The following ALK variants were observed in gnomAD, a reference collection of about 807,000 sequenced individuals.
The protein encoded by ALK is ALK tyrosine kinase receptor.
Under a neutral mutation model 163.1 loss-of-function variants are expected in ALK, and 74 were observed. That is an observed-to-expected ratio of 0.45 (90% CI 0.38 to 0.55). The LOEUF is 0.55. Among genes scored for constraint, ALK ranks in the 20% least tolerant of loss-of-function variants. The pLI, the probability that ALK is intolerant of heterozygous loss-of-function variation, is 0.00. For synonymous variants in ALK, 960 were observed against 843.2 expected, an observed-to-expected ratio of 1.14 and a Z score of -2.40; for missense variants, 2,063 against 2,105.3, an observed-to-expected ratio of 0.98 and a Z score of 0.39.
At chr2:29,912,618 A>G (rs1476647407) in intron 1 of ALK, among the ~76,000 whole-genome samples, 2 of 152,052 alleles carry the variant, frequency 1.3e-5, no homozygotes, top group Non-Finnish European at 2.9e-5. Flanking sequence ...GAAATGGTAT[A>G]TATCTGGATA....
rs1270489113 is a variant in ALK, at chr2:29,778,263, G to A, written c.668-60566C>T. Among the ~76,000 whole-genome samples the A allele has an allele frequency of 2.0e-5, 3 of 152,284 alleles. No homozygotes were observed. In the East Asian group the frequency reaches 5.8e-4, roughly 29 times the overall value. ...ATCACCTCTAAGCGAATCCAATGCT[G>A]TTGATGGCAGTGATTTAACCTCCCT... On this transcript the variant is annotated intron_variant, in intron 1 of 28. Transcript: ENST00000389048.
chr2:29,698,986 C>T (rs147801882), intron 2 of ALK, among the ~76,000 whole-genome samples: 8 of 152,308 alleles, frequency 5.3e-5, no homozygotes, highest in Admixed American at 5.2e-4. Context: ...GGCAATAATA[C>T]CTTGGGACTT....
intron 1 of ALK, among the ~76,000 whole-genome samples, chr2:29,754,906 T>G (rs999927235): frequency 6.6e-6 from 1 of 152,104 alleles, no homozygotes; most frequent in African/African-American, 2.4e-5. Flanking sequence ...ATAGAAGTGT[T>G]CAGGACAAAA....
intron 3 of ALK, among the ~76,000 whole-genome samples, chr2:29,588,622 T>C (rs568846758): frequency 1.3e-5 from 2 of 152,318 alleles, no homozygotes; most frequent in South Asian, 4.1e-4. Context: ...AAACTTTTTC[T>C]ATAAAGGACC....
intron 1 of ALK, among the ~76,000 whole-genome samples, chr2:29,871,405 T>C (rs1361463037): frequency 6.6e-6 from 1 of 152,208 alleles, no homozygotes; most frequent in African/African-American, 2.4e-5. Flanking sequence ...ACACTCCCTG[T>C]ATAGTTCTTC....
Position 29,275,463 on chromosome 2 carries a change from T to C in ALK, c.1851A>G (p.Gln617=), listed in dbSNP as rs201268211. 5 of 1,614,186 alleles carry C rather than the reference T, an allele frequency of 3.1e-6. No individual in the cohort carries two copies. In the East Asian group the frequency reaches 1.1e-4, roughly 36 times the overall value. The change falls in exon 10 of 29, where the codon CAA becomes CAG. Residue 617 remains glutamine, a synonymous_variant. Coordinates refer to ENST00000389048, the MANE Select transcript of ALK (RefSeq NM_004304.5). ...CAAAAGCCACGATGGCTCTGGATCC[T>C]TGTCCCCACCATGCGACCATCTGCA... ...FWLQMVAWWG[Q]GSRAIVAFDN...
Position 29,381,371 on chromosome 2 carries a change from C to G in ALK, c.1282+2361G>C, listed in dbSNP as rs1668891251. 2.0e-5 allele frequency among the ~76,000 whole-genome samples: 3 copies of G among 152,374 alleles called. No individual in the cohort carries two copies. The South Asian group carries it at 6.2e-4, about 32-fold the overall frequency. On this transcript the variant is annotated intron_variant, in intron 5 of 28. Transcript: ENST00000389048. ...AACTGAGCACCTACCTAGTGTCACA[C>G]ACTGTGATAAGTGTAAGGATGTAGA...
At chr2:29,705,285 A>ATC (rs1558451364) in intron 2 of ALK, among the ~76,000 whole-genome samples, 7 of 105,230 alleles carry the variant, frequency 6.7e-5, no homozygotes, top group African/African-American at 2.9e-4. Flanking sequence ...ATATATAAAT[A>ATC]TATATCTGCT....
In ALK at chr2:29,920,810, C is replaced by G. The variant is rs73922108; in HGVS notation, c.-151G>C. The G allele has an allele frequency of 7.1e-6, 5 of 704,644 alleles. No individual in the cohort carries two copies. Among genetic ancestry groups the G allele is most frequent in the Non-Finnish European group, 1.2e-5 (5 of 428,970 alleles). 43.6% of individuals were successfully genotyped at this position (704,644 alleles called of 1,614,324 possible). A position where few individuals can be genotyped will look rare whatever the true frequency, so the allele number is the denominator to read the frequency against. ...ACTGTGCGTGCGCGCAAGTCTCTTG[C>G]TTTCCCCCAACTGCACGGAGGCGAG... On this transcript the variant is annotated 5_prime_UTR_variant, in exon 1 of 29. Coordinates refer to ENST00000389048, the MANE Select transcript of ALK (RefSeq NM_004304.5).
chr2:29,710,641 A>G (rs1679062153), intron 2 of ALK, among the ~76,000 whole-genome samples: 1 of 152,064 alleles, frequency 6.6e-6, no homozygotes, highest in African/African-American at 2.4e-5. Flanking sequence ...TCAGACTTCC[A>G]AGTAGCTAAG....
intron 1 of ALK, among the ~76,000 whole-genome samples, chr2:29,733,771 A>G (rs1017634569): frequency 2.0e-5 from 3 of 152,198 alleles, no homozygotes; most frequent in Non-Finnish European, 2.9e-5. Flanking sequence ...TACACTTTGT[A>G]GACAGGAGGG....
intron 4 of ALK, among the ~76,000 whole-genome samples, chr2:29,521,772 A>T (rs1336652846): frequency 6.6e-6 from 1 of 152,214 alleles, no homozygotes; most frequent in African/African-American, 2.4e-5. Context: ...CTTATGGCTC[A>T]AAGAGCTGGC....
intron 26 of ALK, among the ~76,000 whole-genome samples, chr2:29,198,956 GTTTTC>G (rs1426939015): frequency 2.3e-5 from 3 of 131,462 alleles, no homozygotes; most frequent in Admixed American, 8.3e-5. Flanking sequence ...TTTATTAGTT[GTTTTC>G]TTTTTTTTTT....
At chr2:29,730,628 T>A (rs1679713390) in intron 1 of ALK, among the ~76,000 whole-genome samples, 1 of 152,092 alleles carries the variant, frequency 6.6e-6, no homozygotes, top group Non-Finnish European at 1.5e-5. Context: ...AAACAAAGAA[T>A]CAGAGAGGCT....
chr2:29,263,705 A>AT (rs1352468806), intron 11 of ALK, among the ~76,000 whole-genome samples: 2 of 152,202 alleles, frequency 1.3e-5, no homozygotes, highest in African/African-American at 4.8e-5. Context: ...CAATGCAGTC[A>AT]TGGTGGCTGG....
At chr2:29,299,573 G>A (rs901104365) in intron 8 of ALK, among the ~76,000 whole-genome samples, 2 of 152,124 alleles carry the variant, frequency 1.3e-5, no homozygotes, top group Non-Finnish European at 2.9e-5. Context: ...TAGGGTTATA[G>A]GGACTGTTAA....
intron 3 of ALK, among the ~76,000 whole-genome samples, chr2:29,535,298 T>A (rs1299213730): frequency 6.6e-6 from 1 of 152,218 alleles, no homozygotes; most frequent in Non-Finnish European, 1.5e-5. Context: ...TGTTGATATG[T>A]TTAATGATTA....
Position 29,671,939 on chromosome 2 carries a change from T to C in ALK, c.952+22911A>G, listed in dbSNP as rs2339527. ...TTAGTTTTTAATTACAAAATAAATA[T>C]GTAAAAATTCTAATGATACAAAAAT... On this transcript the variant is annotated intron_variant, in intron 3 of 28. Coordinates refer to ENST00000389048, the MANE Select transcript of ALK (RefSeq NM_004304.5). 9.1e-3 allele frequency among the ~76,000 whole-genome samples: 1,388 copies of C among 152,048 alleles called. 30 individuals are homozygous for C. The highest frequency in any genetic ancestry group is 0.03 in the African/African-American group (1,234 of 41,536).
chr2:29,229,298 G>A (rs1368694319), intron 15 of ALK, among the ~76,000 whole-genome samples: 1 of 152,172 alleles, frequency 6.6e-6, no homozygotes, highest in Non-Finnish European at 1.5e-5. Context: ...ATGAGAGCGT[G>A]CCTTGTACCC....
Sources: gnomAD v4.1 joint callset for allele counts (sites outside exome capture counted in the v4.1 genomes callset) on GRCh38, gnomAD v4.1.1 for gene constraint, MANE v1.5 for transcripts, NCBI Gene and HGNC (gene_info 2026-07-23, HGNC 2026-07-21) for gene names.